Variants in CTNNB1 observed in about 807,000 individuals in gnomAD.
CTNNB1 encodes the protein catenin beta-1.
In CTNNB1, 6 loss-of-function variants were observed where a neutral mutation model predicts 82.5. The ratio of observed to expected loss-of-function variants is 0.07; its 90% CI spans 0.04 to 0.14. The LOEUF is 0.14. Ranked by LOEUF, CTNNB1 falls within the 10% of genes least tolerant of loss-of-function variation. The pLI is 1.00. For missense variants in CTNNB1, 529 were observed against 980.4 expected (o/e 0.54, Z 6.15); for synonymous variants, 312 against 329.7 (o/e 0.95, Z 0.58).
intron 1 of CTNNB1, among the ~76,000 whole-genome samples, chr3:41,216,164 G>A (rs966859736): frequency 5.9e-5 from 9 of 152,152 alleles, no homozygotes; most frequent in African/African-American, 2.2e-4. Context: ...GAGGAATGAT[G>A]TCTTCTTTAT....
chr3:41,211,471 A>G (rs760212431), intron 1 of CTNNB1, among the ~76,000 whole-genome samples: 5 of 152,178 alleles, frequency 3.3e-5, no homozygotes, highest in African/African-American at 1.2e-4. Flanking sequence ...TTTGGGATAC[A>G]GTTGAACCAG....
At chr3:41,228,542 C>G (rs2078232421) in intron 7 of CTNNB1, among the ~76,000 whole-genome samples, 1 of 152,140 alleles carries the variant, frequency 6.6e-6, no homozygotes, top group Non-Finnish European at 1.5e-5. Flanking sequence ...CTGTTCATGT[C>G]CTTTGCCCAC....
chr3:41,202,492 G>T (rs893452519), intron 1 of CTNNB1, among the ~76,000 whole-genome samples: 4 of 152,102 alleles, frequency 2.6e-5, no homozygotes, highest in Non-Finnish European at 5.9e-5. Flanking sequence ...TTGGAACTGT[G>T]GTATCTATTG....
intron 7 of CTNNB1, among the ~76,000 whole-genome samples, chr3:41,230,342 A>G (rs972636121): frequency 3.3e-5 from 5 of 152,214 alleles, no homozygotes; most frequent in African/African-American, 1.2e-4. Flanking sequence ...TCAAGATCTC[A>G]TAGTGTTTTA....
At chr3:41,201,461 C>T (rs1575276979) in intron 1 of CTNNB1, among the ~76,000 whole-genome samples, 1 of 152,156 alleles carries the variant, frequency 6.6e-6, no homozygotes, top group Middle Eastern at 3.4e-3. Context: ...TTCTGAAGGC[C>T]GTGTACAAGG....
intron 1 of CTNNB1, among the ~76,000 whole-genome samples, chr3:41,211,581 T>C (rs1211738724): frequency 6.6e-6 from 1 of 152,196 alleles, no homozygotes; most frequent in East Asian, 1.9e-4. Flanking sequence ...TTTATGTCCA[T>C]GTGTACCAAA....
chr3:41,236,819 C>A (rs1559477371), intron 13 of CTNNB1, 110 bp downstream of exon 13: 1 of 1,439,338 alleles, frequency 6.9e-7, no homozygotes, highest in Non-Finnish European at 9.7e-7. Flanking sequence ...TGATGTTTCC[C>A]TGGCTTGAGT....
In CTNNB1 at chr3:41,199,629, G is replaced by A. The variant is rs1340328720; in HGVS notation, c.-90G>A. 1 of 152,330 alleles carries A rather than the reference G, an allele frequency of 6.6e-6. No homozygotes were observed. The highest frequency in any genetic ancestry group is 1.5e-5 in the Non-Finnish European group (1 of 68,230). The allele number at this position is 152,330 out of a possible 1,614,324, so 9.4% of individuals were successfully genotyped here. A position where few individuals can be genotyped will look rare whatever the true frequency, so the allele number is the denominator to read the frequency against. Reference sequence around the variant, plus strand: ...CGCCGAGCCGCCACCGCAGGTCGAGGACGGTCGGACTCCCGCGGCGGGAGG... The same window carrying A: ...CGCCGAGCCGCCACCGCAGGTCGAGAACGGTCGGACTCCCGCGGCGGGAGG... On this transcript the variant is annotated 5_prime_UTR_variant, in exon 1 of 15. Coordinates refer to ENST00000349496, the MANE Select transcript of CTNNB1 (RefSeq NM_001904.4).
At chr3:41,215,459 TTG>T (rs1207266329) in intron 1 of CTNNB1, among the ~76,000 whole-genome samples, 14 of 152,082 alleles carry the variant, frequency 9.2e-5, no homozygotes, top group African/African-American at 3.1e-4. Flanking sequence ...ATATTACATT[TTG>T]TGTGTTCTCC....
intron 1 of CTNNB1, among the ~76,000 whole-genome samples, chr3:41,213,250 T>G (rs1267332243): frequency 2.0e-5 from 3 of 152,192 alleles, no homozygotes; most frequent in Non-Finnish European, 4.4e-5. Context: ...GGTTTTTGTG[T>G]GTTATTTTCT....
At chr3:41,224,454 C>T in intron 2 of CTNNB1, 72 bp from the exon 3 acceptor site, 2 of 1,399,318 alleles carry the variant, frequency 1.4e-6, no homozygotes, top group Middle Eastern at 2.2e-4. Flanking sequence ...TGGGTCATAT[C>T]ACAGATTCTT....
intron 1 of CTNNB1, among the ~76,000 whole-genome samples, chr3:41,213,240 G>T (rs1264621059): frequency 6.6e-6 from 1 of 152,114 alleles, no homozygotes; most frequent in Non-Finnish European, 1.5e-5. Context: ...AATGACTTTA[G>T]GTTTTTGTGT....
chr3:41,216,625 G>C (rs11564440), intron 1 of CTNNB1, among the ~76,000 whole-genome samples: 1 of 152,168 alleles, frequency 6.6e-6, no homozygotes, highest in African/African-American at 2.4e-5. Context: ...TTTGTACAAA[G>C]TCCATTTCAT....
chr3:41,236,372 C>G lies in CTNNB1; in HGVS notation c.1827C>G (p.Asn609Lys). The G allele has an allele frequency of 6.2e-7, 1 of 1,614,196 alleles. No homozygotes were observed. Among genetic ancestry groups the G allele is most frequent in the South Asian group, 1.1e-5 (1 of 91,090 alleles). The change falls in exon 12 of 15, where the codon AAC (asparagine) becomes AAG (lysine). Residue 609 changes from asparagine (N) to lysine (K), a missense_variant. By Grantham distance (94) the Asn-to-Lys change is moderately conservative (BLOSUM62 0). Around this residue, in one of 4 missense-constraint regions of CTNNB1, gnomAD observed 411 missense variants for 776.4 expected, o/e 0.53. Transcript: ENST00000349496. ...FVQLLYSPIE[N>K]IQRVAAGVLC... ...AGCTGCTTTATTCTCCCATTGAAAACATCCAAAGAGTAGCTGCAGGGGTCC... is the reference window on the plus strand; with the variant it reads ...AGCTGCTTTATTCTCCCATTGAAAAGATCCAAAGAGTAGCTGCAGGGGTCC...
intron 1 of CTNNB1, chr3:41,199,926 CG>C (rs2077483828): frequency 1.7e-5 from 1 of 59,822 alleles, no homozygotes; most frequent in South Asian, 6.3e-4. Context: ...GGGGGCGCCG[CG>C]GGGGCGCGTA....
chr3:41,233,292 G>A (rs917405488), intron 7 of CTNNB1, 49 bp from the exon 8 acceptor site: 2 of 1,490,518 alleles, frequency 1.3e-6, no homozygotes, highest in African/African-American at 2.8e-5. Context: ...AGGATTGATA[G>A]GCACTTCTAG....
In CTNNB1 at chr3:41,224,137, A is replaced by G. The variant is rs1473171259; in HGVS notation, c.13+56A>G. On this transcript the variant is annotated intron_variant, in intron 2 of 14. Coordinates refer to ENST00000349496, the MANE Select transcript of CTNNB1 (RefSeq NM_001904.4). ...TTGGGGCTCTGCTTCGTTGCCATTA[A>G]GCCAGTCTGGCTGAGATCCCCCTGC... The G allele has an allele frequency of 7.5e-6, 12 of 1,603,228 alleles. No individual in the cohort carries two copies. The South Asian group carries it at 1.1e-4, about 15-fold the overall frequency.
chr3:41,237,767 A>T, intron 13 of CTNNB1: 1 of 460,758 alleles, frequency 2.2e-6, no homozygotes, highest in Non-Finnish European at 3.9e-6. Context: ...AGCACATAAT[A>T]GGTGCTTAAT....
At chr3:41,232,390 T>G (rs2078330378) in intron 7 of CTNNB1, among the ~76,000 whole-genome samples, 1 of 152,170 alleles carries the variant, frequency 6.6e-6, no homozygotes, top group African/African-American at 2.4e-5. Context: ...ACAGAGGTGA[T>G]CTTTGTCTTG....
Sources: gnomAD v4.1 joint callset for allele counts (sites outside exome capture counted in the v4.1 genomes callset) on GRCh38, gnomAD v4.1.1 for gene constraint, gnomAD v4.1.1 regional missense constraint, MANE v1.5 for transcripts, NCBI Gene and HGNC (gene_info 2026-07-23, HGNC 2026-07-21) for gene names.